The following GMPS variants were observed in gnomAD, a reference collection of about 807,000 sequenced individuals.
GMPS encodes GMP synthase [glutamine-hydrolyzing].
Under a neutral mutation model 77.9 loss-of-function variants are expected in GMPS, and 15 were observed. That is an observed-to-expected ratio of 0.19 (90% CI 0.13 to 0.30). The LOEUF is 0.30. Among genes scored for constraint, GMPS ranks in the 10% least tolerant of loss-of-function variants. The pLI is 1.00. For synonymous variants in GMPS, 224 were observed against 275.9 expected, an observed-to-expected ratio of 0.81 and a Z score of 1.86; for missense variants, 590 against 838.8, an observed-to-expected ratio of 0.70 and a Z score of 3.66.
intron 9 of GMPS, among the ~76,000 whole-genome samples, chr3:155,916,977 ATT>A (rs35954197): frequency 2.8e-5 from 4 of 144,098 alleles, no homozygotes; most frequent in East Asian, 2.0e-4. Flanking sequence ...CTTAACTCTG[ATT>A]TTTTTTTTTT....
rs1755935433 is a variant in GMPS, at chr3:155,943,247, T to G, written c.*5555T>G. On this transcript the variant is annotated 3_prime_UTR_variant, in exon 16 of 16. Transcript: ENST00000496455. ...ACTCCGTCTTAAAACAAAAACAACA[T>G]ATTTGTTCACTTTTGAACCCTGTGG... 1 of 179,468 alleles carries G rather than the reference T, an allele frequency of 5.6e-6. No homozygotes were observed. Among genetic ancestry groups the G allele is most frequent in the Admixed American group, 6.3e-5 (1 of 15,846 alleles). The allele number at this position is 179,468 out of a possible 1,614,324, so 11.1% of individuals were successfully genotyped here.
At chr3:155,936,096 ACTGTTT>A (rs937288481) in intron 14 of GMPS, among the ~76,000 whole-genome samples, 2 of 152,152 alleles carry the variant, frequency 1.3e-5, no homozygotes, top group African/African-American at 2.4e-5. Context: ...ATGAGACTGG[ACTGTTT>A]CTGTTTACAG....
At chr3:155,911,774 G>A (rs943783106) in intron 7 of GMPS, among the ~76,000 whole-genome samples, 5 of 151,532 alleles carry the variant, frequency 3.3e-5, no homozygotes, top group African/African-American at 9.7e-5. Flanking sequence ...GGGAGGTGGA[G>A]GCTGCAGTAA....
intron 1 of GMPS, among the ~76,000 whole-genome samples, chr3:155,884,330 G>A (rs1241976488): frequency 6.7e-6 from 1 of 150,074 alleles, no homozygotes; most frequent in African/African-American, 2.5e-5. Flanking sequence ...AGGTTGCAGT[G>A]AGCCAAGATC....
intron 7 of GMPS, among the ~76,000 whole-genome samples, chr3:155,914,157 AG>A: frequency 6.6e-6 from 1 of 151,660 alleles, no homozygotes; most frequent in South Asian, 2.1e-4. Context: ...CATGTTAGCC[AG>A]GATGGTCTTG....
intron 1 of GMPS, among the ~76,000 whole-genome samples, chr3:155,874,004 C>T (rs565334654): frequency 9.9e-5 from 15 of 152,150 alleles, no homozygotes; most frequent in Non-Finnish European, 1.8e-4. Context: ...ATACACAACA[C>T]CCAGTATGTA....
chr3:155,900,189 T>G (rs1754703134), intron 3 of GMPS, among the ~76,000 whole-genome samples: 1 of 152,192 alleles, frequency 6.6e-6, no homozygotes, highest in South Asian at 2.1e-4. Context: ...CTGCCAAAAC[T>G]GTGTTCCAAA....
At chr3:155,904,853 A>G (rs1754831605) in intron 4 of GMPS, among the ~76,000 whole-genome samples, 1 of 152,146 alleles carries the variant, frequency 6.6e-6, no homozygotes, top group South Asian at 2.1e-4. Context: ...CTGTCTTTCT[A>G]GTTCTAAAAT....
chr3:155,925,337 T>C lies in GMPS; in HGVS notation c.1531T>C (p.Leu511=), dbSNP rs753421413. 1.9e-6 allele frequency: 3 copies of C among 1,611,166 alleles called. No homozygotes were observed. In the African/African-American group the frequency reaches 4.0e-5, roughly 22 times the overall value. Residue 511 remains leucine, a synonymous_variant, in exon 12 of 16, where the codon TTG becomes CTG. Transcript: ENST00000496455. ...CAGTCTGCATTCACTGAATGCCTTC[T>C]TGCTGCCAATTAAAACTGTAGGTGT... is the stretch of plus-strand genomic sequence containing the variant. ...ITSLHSLNAF[L]LPIKTVGVQG...
chr3:155,932,100 C>T (rs1238894302), intron 13 of GMPS, among the ~76,000 whole-genome samples: 2 of 151,990 alleles, frequency 1.3e-5, no homozygotes, highest in Non-Finnish European at 2.9e-5. Context: ...ACAATGTAGT[C>T]ATCTGTTAAA....
intron 1 of GMPS, among the ~76,000 whole-genome samples, chr3:155,873,887 A>C (rs1753966300): frequency 6.6e-6 from 1 of 152,002 alleles, no homozygotes; most frequent in African/African-American, 2.4e-5. Context: ...CACCTGCCTC[A>C]GCCTCCCAAA....
In GMPS at chr3:155,922,177, C is replaced by T. The variant is rs1277812366; in HGVS notation, c.1319-10C>T. The T allele has an allele frequency of 2.6e-6, 3 of 1,156,268 alleles. No individual in the cohort carries two copies. The highest frequency in any genetic ancestry group is 2.7e-5 in the Admixed American group (1 of 37,304). 71.6% of individuals were successfully genotyped at this position (1,156,268 alleles called of 1,614,324 possible). Reference sequence around the variant, plus strand: ...TTAATGTTAAATACTATTATTACTCCTACCTTTAGGTCCTGGCCTGGCAAT... The same window carrying T: ...TTAATGTTAAATACTATTATTACTCTTACCTTTAGGTCCTGGCCTGGCAAT... On this transcript the variant is annotated splice_polypyrimidine_tract_variant and intron_variant, in intron 10 of 15. Transcript: ENST00000496455.
chr3:155,909,811 A>G (rs1353123605), intron 5 of GMPS, among the ~76,000 whole-genome samples: 1 of 152,074 alleles, frequency 6.6e-6, no homozygotes, highest in African/African-American at 2.4e-5. Flanking sequence ...GTGTGGTGGC[A>G]TGCACCTGTT....
chr3:155,923,759 T>C (rs549518957), intron 11 of GMPS, among the ~76,000 whole-genome samples: 1 of 152,340 alleles, frequency 6.6e-6, no homozygotes, highest in East Asian at 1.9e-4. Context: ...TAGAATCATC[T>C]GGGGAAGCTT....
At chr3:155,887,097 G>T (rs966329414) in intron 1 of GMPS, among the ~76,000 whole-genome samples, 13 of 152,096 alleles carry the variant, frequency 8.5e-5, no homozygotes, top group Non-Finnish European at 1.8e-4. Context: ...TTTATGTTTT[G>T]GGGATTTTTC....
At chr3:155,934,878 A>G (rs374068435) in intron 13 of GMPS, 38 bp from the exon 14 acceptor site, 2 of 1,339,994 alleles carry the variant, frequency 1.5e-6, no homozygotes, top group South Asian at 1.2e-5. Flanking sequence ...TACATTTGAA[A>G]TGTAATTGCT....
chr3:155,932,558 C>T (rs1157665529), intron 13 of GMPS, among the ~76,000 whole-genome samples: 1 of 151,952 alleles, frequency 6.6e-6, no homozygotes, highest in Non-Finnish European at 1.5e-5. Context: ...TTCATCGTAC[C>T]ATATATAGTT....
chr3:155,875,849 CT>C (rs1754038894), intron 1 of GMPS, among the ~76,000 whole-genome samples: 1 of 151,990 alleles, frequency 6.6e-6, no homozygotes, highest in Admixed American at 6.6e-5. Context: ...CTTGCTATGG[CT>C]TCAGGTTCAT....
At chr3:155,902,838 C>G (rs925814975) in intron 3 of GMPS, among the ~76,000 whole-genome samples, 7 of 152,168 alleles carry the variant, frequency 4.6e-5, no homozygotes, top group Admixed American at 4.6e-4. Context: ...AGTTAATGTG[C>G]TACAGAAGAG....
Sources: allele counts gnomAD v4.1 joint callset (sites outside exome capture counted in the v4.1 genomes callset), GRCh38; gene constraint gnomAD v4.1.1; transcripts MANE v1.5; gene names NCBI Gene and HGNC (gene_info 2026-07-23, HGNC 2026-07-21).